Variants in RASSF5 observed in about 807,000 individuals in gnomAD.
RASSF5 encodes ras association domain-containing protein 5.
Under a neutral mutation model 40.5 loss-of-function variants are expected in RASSF5, and 25 were observed. The ratio of observed to expected loss-of-function variants is 0.62; its 90% CI spans 0.45 to 0.86. The LOEUF (loss-of-function observed/expected upper bound fraction) is 0.86. Among genes scored for constraint, RASSF5 ranks in the 40% least tolerant of loss-of-function variants. The pLI is 0.00. For missense variants in RASSF5, 521 were observed against 572.8 expected, an observed-to-expected ratio of 0.91 and a Z score of 0.92; for synonymous variants, 246 against 252.4, an observed-to-expected ratio of 0.97 and a Z score of 0.24.
intron 2 of RASSF5, among the ~76,000 whole-genome samples, chr1:206,577,894 G>C (rs904517341): frequency 3.9e-5 from 6 of 152,120 alleles, no homozygotes; most frequent in Non-Finnish European, 8.8e-5. Context: ...AGTCTAGTTG[G>C]GAAGAAGACC....
intron 2 of RASSF5, among the ~76,000 whole-genome samples, chr1:206,567,632 G>A (rs1021052644): frequency 2.0e-5 from 3 of 152,090 alleles, no homozygotes; most frequent in Admixed American, 1.3e-4. Context: ...AAGACTTGGC[G>A]AACTCTGGGG....
intron 2 of RASSF5, among the ~76,000 whole-genome samples, chr1:206,574,673 G>A (rs549480132): frequency 1.3e-5 from 2 of 152,156 alleles, no homozygotes; most frequent in South Asian, 4.1e-4. Context: ...TTTTAATTTT[G>A]GGACAATGGA....
Position 206,579,320 on chromosome 1 carries a change from C to G in RASSF5, c.580-3949C>G. ...ATGCCAATGTCTATATTTGTTAAAT[C>G]ATAACAGAGTTCCCTATTCTGTCTC... On this transcript the variant is annotated intron_variant, in intron 2 of 5. Transcript: ENST00000579436. This position sits in a 1 kb window ranked among gnomAD's most constrained non-coding sequence, Gnocchi z 4.2. 6.6e-6 allele frequency among the ~76,000 whole-genome samples: 1 copy of G among 152,316 alleles called. No individual in the cohort carries two copies. The highest frequency in any genetic ancestry group is 6.5e-5 in the Admixed American group (1 of 15,306).
chr1:206,545,061 C>A (rs1667646281), intron 2 of RASSF5, among the ~76,000 whole-genome samples: 1 of 152,024 alleles, frequency 6.6e-6, no homozygotes, highest in African/African-American at 2.4e-5. Context: ...GCCCCGGGCT[C>A]CCTAACACAC....
At chr1:206,545,788 C>T (rs1448673819) in intron 2 of RASSF5, among the ~76,000 whole-genome samples, 1 of 152,054 alleles carries the variant, frequency 6.6e-6, no homozygotes, top group Non-Finnish European at 1.5e-5. Context: ...ATGGCATTCC[C>T]TAATCTACCC....
intron 2 of RASSF5, among the ~76,000 whole-genome samples, chr1:206,551,777 C>G (rs782279765): frequency 6.6e-6 from 1 of 152,214 alleles, no homozygotes; most frequent in Non-Finnish European, 1.5e-5. Flanking sequence ...AGATGACCCC[C>G]AGGTGGGCTA....
intron 1 of RASSF5, among the ~76,000 whole-genome samples, chr1:206,511,264 A>G (rs184832119): frequency 1.4e-4 from 22 of 152,314 alleles, no homozygotes; most frequent in African/African-American, 5.1e-4. Context: ...GCGAGAATGC[A>G]TTTCTAGCAT....
chr1:206,527,212 CA>C (rs1158670986), intron 1 of RASSF5, among the ~76,000 whole-genome samples: 2 of 152,150 alleles, frequency 1.3e-5, no homozygotes, highest in African/African-American at 4.8e-5. Context: ...CAGTGTGTTT[CA>C]AGGGATCACA....
chr1:206,517,119 C>A (rs1553395534), intron 1 of RASSF5, among the ~76,000 whole-genome samples: 1 of 152,226 alleles, frequency 6.6e-6, no homozygotes, highest in East Asian at 1.9e-4. Flanking sequence ...ATAAGTGCAT[C>A]TTCCACCAGA....
In RASSF5 at chr1:206,583,313, G is replaced by A. The variant is rs1553406779; in HGVS notation, c.624G>A (p.Leu208=). Residue 208 remains leucine, a synonymous_variant, in exon 3 of 6, where the codon CTG becomes CTA. Coordinates refer to ENST00000579436, the MANE Select transcript of RASSF5 (RefSeq NM_182663.4). ...AGGAGACACAGCGCCCGCCCACACTGCAGGAGATCAAGCAGAAGATCGACA... is the reference window on the plus strand; with the variant it reads ...AGGAGACACAGCGCCCGCCCACACTACAGGAGATCAAGCAGAAGATCGACA... ...PVEETQRPPT[L]QEIKQKIDSY... is the part of the protein sequence containing the mutation. The A allele has an allele frequency of 1.2e-6, 2 of 1,613,436 alleles. No homozygotes were observed. The highest frequency in any genetic ancestry group is 1.7e-6 in the Non-Finnish European group (2 of 1,179,656).
chr1:206,539,929 GCCCTGCACGCCA>G (rs1553399145), intron 2 of RASSF5, among the ~76,000 whole-genome samples: 2 of 152,096 alleles, frequency 1.3e-5, no homozygotes, highest in Non-Finnish European at 2.9e-5. Context: ...GATCTCCTCA[GCCCTGCACGCCA>G]CCCTGGAGCC....
In RASSF5 at chr1:206,588,527, G is replaced by C. The variant is rs1391649330; in HGVS notation, c.*1549G>C. On this transcript the variant is annotated 3_prime_UTR_variant, in exon 6 of 6. Coordinates refer to ENST00000579436, the MANE Select transcript of RASSF5 (RefSeq NM_182663.4). ...CCAGCCTCTGAGAAACCATTTCTTT[G>C]CTATCCTCTGCCTTCCCAAGTCCCT... 1 of 152,334 alleles carries C rather than the reference G, an allele frequency of 6.6e-6. No individual in the cohort carries two copies. Among genetic ancestry groups the C allele is most frequent in the Non-Finnish European group, 1.5e-5 (1 of 68,044 alleles). The allele number at this position is 152,334 out of a possible 1,614,324, so 9.4% of individuals were successfully genotyped here. A position where few individuals can be genotyped will look rare whatever the true frequency, so the allele number is the denominator to read the frequency against.
intron 2 of RASSF5, among the ~76,000 whole-genome samples, chr1:206,561,545 A>G (rs1264968364): frequency 6.6e-6 from 1 of 152,048 alleles, no homozygotes; most frequent in Non-Finnish European, 1.5e-5. Context: ...TACAACTGAA[A>G]TATGTTAATA....
chr1:206,540,814 G>A (rs1002456865), intron 2 of RASSF5, among the ~76,000 whole-genome samples: 3 of 152,118 alleles, frequency 2.0e-5, no homozygotes, highest in African/African-American at 7.2e-5. Flanking sequence ...AAGGGAGCAG[G>A]GGCTCAGATC....
At chr1:206,512,533 G>C (rs1328190504) in intron 1 of RASSF5, among the ~76,000 whole-genome samples, 1 of 152,158 alleles carries the variant, frequency 6.6e-6, no homozygotes, top group East Asian at 1.9e-4. Context: ...ATCCTGCGGA[G>C]TTATTAGGTG....
chr1:206,554,909 C>T (rs1284073653), intron 2 of RASSF5, among the ~76,000 whole-genome samples: 1 of 152,186 alleles, frequency 6.6e-6, no homozygotes, highest in Non-Finnish European at 1.5e-5. Context: ...TGGCTTTCTT[C>T]CCAACCTAGA....
rs1553394124 is a variant in RASSF5, at chr1:206,508,038, C to G, written c.436C>G (p.Arg146Gly). The change falls in exon 1 of 6, where the codon CGG becomes GGG. Residue 146 changes from arginine to glycine, a missense_variant. Physicochemically the swap from Arg to Gly is moderately radical, Grantham distance 125. Around this residue, in one of 2 missense-constraint regions of RASSF5, gnomAD observed 284 missense variants for 360.8 expected, o/e 0.79. Transcript: ENST00000579436. ...TGACCTGTGCGGACGAGAGGTGCTG[C>G]GGCAGGCGCTGCGCTGCACTAGTAA... ...WCDLCGREVL[R>G]QALRCTNCKF... 1.4e-6 allele frequency: 2 copies of G among 1,415,936 alleles called. No individual in the cohort carries two copies. The highest frequency in any genetic ancestry group is 1.8e-6 in the Non-Finnish European group (2 of 1,084,604). 87.7% of individuals were successfully genotyped at this position (1,415,936 alleles called of 1,614,324 possible).
intron 1 of RASSF5, among the ~76,000 whole-genome samples, chr1:206,525,472 G>A (rs1021401959): frequency 2.0e-5 from 3 of 152,210 alleles, no homozygotes; most frequent in African/African-American, 4.8e-5. Context: ...ACAATGGACC[G>A]ATCATAGCTC....
rs531166588 is a variant in RASSF5 at position 206,508,171 on chromosome 1, G to A, written c.457+112G>A. The A allele has an allele frequency of 2.4e-3, 1,988 of 841,022 alleles. 4 individuals are homozygous for A. The highest frequency in any genetic ancestry group is 2.9e-3 in the Non-Finnish European group (1,774 of 603,216). 52.1% of individuals were successfully genotyped at this position (841,022 alleles called of 1,614,324 possible). The stretch of plus-strand genomic sequence containing the variant: ...GGCCATTACACTCTTTGGCTCCAGG[G>A]GAGCCCCGAACATAAGGAGATAACA... On this transcript the variant is annotated intron_variant, in intron 1 of 5. Coordinates refer to ENST00000579436, the MANE Select transcript of RASSF5 (RefSeq NM_182663.4).
Sources: allele counts gnomAD v4.1 joint callset (sites outside exome capture counted in the v4.1 genomes callset), GRCh38; gene constraint gnomAD v4.1.1; regional missense constraint gnomAD v4.1.1; non-coding constraint Gnocchi (gnomAD v3.1); transcripts MANE v1.5; gene names NCBI Gene and HGNC (gene_info 2026-07-23, HGNC 2026-07-21).